PALM2AKAP2: variants seen among roughly 807,000 people sequenced by gnomAD.
The protein encoded by PALM2AKAP2 is PALM2 and AKAP2 fusion, also known as PALM2-AKAP2 fusion protein.
A neutral mutation model predicts 71.5 loss-of-function variants in PALM2AKAP2; 37 were observed. The ratio of observed to expected loss-of-function variants is 0.52; its 90% CI spans 0.40 to 0.68. PALM2AKAP2 has a LOEUF of 0.68. PALM2AKAP2 is among the 30% of genes least tolerant of loss of function. The pLI is 0.00. For synonymous variants in PALM2AKAP2, 468 were observed against 478.8 expected (o/e 0.98, Z 0.29); for missense variants, 1,224 against 1,191.8 (o/e 1.03, Z -0.40).
At chr9:109,654,876 T>TC (rs1827277213) in intron 1 of PALM2AKAP2, among the ~76,000 whole-genome samples, 1 of 152,088 alleles carries the variant, frequency 6.6e-6, no homozygotes, top group African/African-American at 2.4e-5. Context: ...TTCTTTTCTT[T>TC]CCCCATTCAA....
chr9:110,135,164 A>AAAAAAAAAAAAAAAT, intron 1 of PALM2AKAP2, among the ~76,000 whole-genome samples: 1 of 51,734 alleles, frequency 1.9e-5, no homozygotes, highest in African/African-American at 7.3e-5. Context: ...AAAAAAAAAA[A>AAAAAAAAAAAAAAAT]ATATATAAAT....
chr9:109,989,618 T>C (rs1181855363), intron 6 of PALM2AKAP2, among the ~76,000 whole-genome samples: 1 of 152,186 alleles, frequency 6.6e-6, no homozygotes, highest in African/African-American at 2.4e-5. Context: ...TACGTTATTG[T>C]GGTAAGAGAT....
chr9:109,718,261 G>A (rs1349044137), intron 1 of PALM2AKAP2, among the ~76,000 whole-genome samples: 2 of 151,868 alleles, frequency 1.3e-5, no homozygotes, highest in East Asian at 1.9e-4. Flanking sequence ...TTTTGTATTT[G>A]TAGAGATGGG....
intron 5 of PALM2AKAP2, among the ~76,000 whole-genome samples, chr9:109,930,020 C>T (rs1831057949): frequency 6.6e-6 from 1 of 152,110 alleles, no homozygotes; most frequent in South Asian, 2.1e-4. Context: ...TTCCAGCCAT[C>T]TCCCAGCCCA....
intron 1 of PALM2AKAP2, among the ~76,000 whole-genome samples, chr9:109,857,942 C>T (rs2131652021): frequency 6.6e-6 from 1 of 152,342 alleles, no homozygotes; most frequent in Middle Eastern, 3.4e-3. Flanking sequence ...TAGGTTCAAC[C>T]ACTACACAAC....
chr9:109,920,014 C>T (rs1296075648), intron 3 of PALM2AKAP2, among the ~76,000 whole-genome samples: 1 of 152,094 alleles, frequency 6.6e-6, no homozygotes, highest in Non-Finnish European at 1.5e-5. Context: ...GCACACTGTG[C>T]CTATCTATGG....
chr9:109,664,055 A>T (rs1827440594), intron 1 of PALM2AKAP2, among the ~76,000 whole-genome samples: 1 of 151,850 alleles, frequency 6.6e-6, no homozygotes, highest in Admixed American at 6.6e-5. Flanking sequence ...ATCTTCCTCC[A>T]TCCGTTTATT....
intron 6 of PALM2AKAP2, among the ~76,000 whole-genome samples, chr9:109,991,703 T>C (rs1426119288): frequency 1.3e-5 from 2 of 152,236 alleles, no homozygotes; most frequent in Admixed American, 6.5e-5. Flanking sequence ...TTGTGCAACG[T>C]AGCTCTGGTG....
intron 2 of PALM2AKAP2, among the ~76,000 whole-genome samples, chr9:110,139,290 A>G (rs1167511064): frequency 1.3e-5 from 2 of 152,204 alleles, no homozygotes; most frequent in Non-Finnish European, 2.9e-5. Flanking sequence ...TACCATATGG[A>G]TAACAGTGTG....
At chr9:109,711,993 T>TTGTGTGTGTG (rs10611227) in intron 1 of PALM2AKAP2, among the ~76,000 whole-genome samples, 104 of 148,714 alleles carry the variant, frequency 7.0e-4, no homozygotes, top group Middle Eastern at 3.4e-3. Context: ...GTGTGAGTGC[T>TTGTGTGTGTG]TGTGTGTGTG....
At chr9:109,804,116 A>G (rs1400349350) in intron 1 of PALM2AKAP2, among the ~76,000 whole-genome samples, 1 of 152,178 alleles carries the variant, frequency 6.6e-6, no homozygotes, top group African/African-American at 2.4e-5. Flanking sequence ...GGATGCAGCC[A>G]AGTTTCCTGC....
Position 109,723,737 on chromosome 9 carries a change from G to C in PALM2AKAP2, c.6-56751G>C, listed in dbSNP as rs528770755. Among the ~76,000 whole-genome samples the C allele has an allele frequency of 4.6e-5, 7 of 152,296 alleles. No individual in the cohort carries two copies. In the South Asian group the frequency reaches 1.5e-3, roughly 32 times the overall value. ...TGAAGTACACAGCACCTGCAAAAAA[G>C]CAAAGGTGGTGAGGGTGGATCCATA... is the stretch of plus-strand genomic sequence containing the variant. On this transcript the variant is annotated intron_variant, in intron 1 of 6. Coordinates refer to the PALM2AKAP2 transcript ENST00000374531.
chr9:109,893,995 T>C (rs961462936), intron 3 of PALM2AKAP2, among the ~76,000 whole-genome samples: 3 of 148,004 alleles, frequency 2.0e-5, no homozygotes, highest in Non-Finnish European at 3.0e-5. Context: ...AGGAAAAAAG[T>C]TCACTTTTCT....
intron 6 of PALM2AKAP2, among the ~76,000 whole-genome samples, chr9:109,951,242 G>A (rs1831633498): frequency 6.6e-6 from 1 of 151,148 alleles, no homozygotes; most frequent in African/African-American, 2.4e-5. Context: ...TGGTTGGTTG[G>A]TGGGGGTGGG....
At chr9:110,018,198 T>C (rs969548501) in intron 7 of PALM2AKAP2, among the ~76,000 whole-genome samples, 16 of 152,196 alleles carry the variant, frequency 1.1e-4, no homozygotes, top group African/African-American at 3.4e-4. Flanking sequence ...AATGAATACC[T>C]GAAAATTTCT....
intron 6 of PALM2AKAP2, among the ~76,000 whole-genome samples, chr9:110,010,984 G>A (rs1242506245): frequency 5.6e-5 from 4 of 72,012 alleles, no homozygotes; most frequent in East Asian, 6.8e-4. Flanking sequence ...CAACAAGAGC[G>A]AAACTCTGTC....
At chr9:109,644,636 C>T (rs752528615) in intron 1 of PALM2AKAP2, among the ~76,000 whole-genome samples, 5 of 152,182 alleles carry the variant, frequency 3.3e-5, no homozygotes, top group Non-Finnish European at 7.3e-5. Context: ...CTTTTATGCT[C>T]TGCTTCCCTT....
intron 5 of PALM2AKAP2, among the ~76,000 whole-genome samples, chr9:109,926,170 G>A (rs937171573): frequency 3.3e-5 from 5 of 152,278 alleles, no homozygotes; most frequent in South Asian, 2.1e-4. Context: ...GGAAATATAC[G>A]GGGAAAGGTT....
intron 1 of PALM2AKAP2, among the ~76,000 whole-genome samples, chr9:109,673,307 C>T (rs189743140): frequency 6.6e-6 from 1 of 152,164 alleles, no homozygotes; most frequent in Non-Finnish European, 1.5e-5. Flanking sequence ...CATGTTGTAT[C>T]TTTGTTCCCG....
Sources: allele counts gnomAD v4.1 joint callset (sites outside exome capture counted in the v4.1 genomes callset), GRCh38; gene constraint gnomAD v4.1.1; transcripts MANE v1.5; gene names NCBI Gene and HGNC (gene_info 2026-07-23, HGNC 2026-07-21).